Variants in NKAIN3 observed in about 807,000 individuals in gnomAD.
NKAIN3 encodes sodium/potassium transporting ATPase interacting 3.
NKAIN3 carries 25 observed loss-of-function variants against 30.2 expected under a neutral mutation model. The observed-to-expected ratio is 0.83, with a 90% CI of 0.60 to 1.16. The LOEUF (loss-of-function observed/expected upper bound fraction) is 1.16, where lower values mean the gene tolerates loss of function less well. Ranked by LOEUF, NKAIN3 falls within the 50% of genes most tolerant of loss-of-function variation. NKAIN3 has a pLI of 0.00. For synonymous variants in NKAIN3, 91 were observed against 89.6 expected (o/e 1.02, Z -0.09); for missense variants, 225 against 254.1 (o/e 0.89, Z 0.78).
chr8:62,666,591 T>C (rs900311663), intron 3 of NKAIN3, among the ~76,000 whole-genome samples: 5 of 152,142 alleles, frequency 3.3e-5, no homozygotes, highest in African/African-American at 1.2e-4. Context: ...CTAAATAATT[T>C]CTCATTTTAA....
rs1234642794 is a variant in NKAIN3 at position 62,972,427 on chromosome 8, G to GTTGATACA, written c.*7022_*7029dup. Among the ~76,000 whole-genome samples the GTTGATACA allele has an allele frequency of 1.1e-4, 17 of 152,216 alleles. No homozygotes were observed. Among genetic ancestry groups the GTTGATACA allele is most frequent in the African/African-American group, 3.9e-4 (16 of 41,544 alleles). On this transcript the variant is annotated 3_prime_UTR_variant, in exon 7 of 7. Transcript: ENST00000623646. ...TATTTTTAACCACCAGATTGAGTAT[G>GTTGATACA]TTGATACATCAAATGCCAGTCTTTT...
At chr8:62,465,583 C>T (rs191936566) in intron 1 of NKAIN3, among the ~76,000 whole-genome samples, 217 of 152,308 alleles carry the variant, frequency 1.4e-3, no homozygotes, top group African/African-American at 4.8e-3. Context: ...ATTCAGTAAA[C>T]CATCCAATGT....
intron 1 of NKAIN3, among the ~76,000 whole-genome samples, chr8:62,476,690 C>T (rs900769023): frequency 1.3e-5 from 2 of 152,188 alleles, no homozygotes; most frequent in Non-Finnish European, 2.9e-5. Flanking sequence ...GTCCTGACCT[C>T]GTGATCCTCC....
At chr8:62,514,803 G>A (rs1276627199) in intron 1 of NKAIN3, among the ~76,000 whole-genome samples, 3 of 151,982 alleles carry the variant, frequency 2.0e-5, no homozygotes, top group Non-Finnish European at 4.4e-5. Flanking sequence ...CTGTTCCACC[G>A]ATCTCTCTTT....
chr8:62,419,320 C>A (rs189618567), intron 1 of NKAIN3, among the ~76,000 whole-genome samples: 358 of 152,246 alleles, frequency 2.4e-3, no homozygotes, highest in African/African-American at 7.8e-3. Flanking sequence ...TAAATTATGT[C>A]TTTTCCAGTG....
At chr8:62,498,568 G>A (rs1358576740) in intron 1 of NKAIN3, among the ~76,000 whole-genome samples, 1 of 151,950 alleles carries the variant, frequency 6.6e-6, no homozygotes, top group Non-Finnish European at 1.5e-5. Context: ...AAAGCAAATT[G>A]CTTTGCCAAG....
At chr8:62,368,298 C>T (rs1816800482) in intron 1 of NKAIN3, among the ~76,000 whole-genome samples, 1 of 152,098 alleles carries the variant, frequency 6.6e-6, no homozygotes, top group Admixed American at 6.6e-5. Flanking sequence ...TACTTGATCT[C>T]AAAATCTATT....
chr8:62,513,284 A>G (rs1464199319), intron 1 of NKAIN3, among the ~76,000 whole-genome samples: 1 of 151,412 alleles, frequency 6.6e-6, no homozygotes, highest in Non-Finnish European at 1.5e-5. Context: ...TTTGACTGCA[A>G]CTAGATGGAC....
chr8:62,804,892 C>T (rs925398761), intron 4 of NKAIN3, among the ~76,000 whole-genome samples: 1 of 152,116 alleles, frequency 6.6e-6, no homozygotes, highest in Admixed American at 6.6e-5. Flanking sequence ...GATTGTATAT[C>T]CAGAAAACCC....
intron 1 of NKAIN3, among the ~76,000 whole-genome samples, chr8:62,577,893 T>A (rs1289287421): frequency 6.6e-6 from 1 of 152,008 alleles, no homozygotes; most frequent in Non-Finnish European, 1.5e-5. Flanking sequence ...TCTCTTCTCT[T>A]TTCCGCCACC....
At chr8:62,920,648 C>T (rs888838297) in intron 5 of NKAIN3, among the ~76,000 whole-genome samples, 1 of 152,042 alleles carries the variant, frequency 6.6e-6, no homozygotes, top group African/African-American at 2.4e-5. Context: ...ATTTCAGTGC[C>T]CTTCAAACTG....
intron 1 of NKAIN3, among the ~76,000 whole-genome samples, chr8:62,399,801 G>A (rs965328363): frequency 1.3e-5 from 2 of 152,126 alleles, no homozygotes; most frequent in African/African-American, 4.8e-5. Flanking sequence ...GGATGCAAGA[G>A]CAGTGAGGAA....
Position 62,371,299 on chromosome 8 carries a change from A to G in NKAIN3, c.54+122172A>G, listed in dbSNP as rs186893504. On this transcript the variant is annotated intron_variant, in intron 1 of 6. Coordinates refer to ENST00000623646, the MANE Select transcript of NKAIN3 (RefSeq NM_001304533.3). Reference sequence around the variant, plus strand: ...CTTAATTCTTTCAAGAACCATCTACATAGATTATGTTTAGGTGTTTTTGGA... The same window carrying G: ...CTTAATTCTTTCAAGAACCATCTACGTAGATTATGTTTAGGTGTTTTTGGA... Among the ~76,000 whole-genome samples the G allele has an allele frequency of 1.2e-3, 181 of 151,898 alleles. 1 individual carries two copies. Among genetic ancestry groups the G allele is most frequent in the Admixed American group, 0.011 (166 of 15,254 alleles).
intron 1 of NKAIN3, among the ~76,000 whole-genome samples, chr8:62,331,776 T>G (rs1426775389): frequency 1.3e-5 from 2 of 152,168 alleles, no homozygotes; most frequent in African/African-American, 4.8e-5. Context: ...GACCAATAGG[T>G]TATTACGTAT....
At chr8:62,753,937 T>A (rs1453713986) in intron 4 of NKAIN3, among the ~76,000 whole-genome samples, 1 of 152,118 alleles carries the variant, frequency 6.6e-6, no homozygotes, top group African/African-American at 2.4e-5. Context: ...CTATGTTAAT[T>A]TTAAGACCAT....
At chr8:62,599,574 G>A (rs1037876616) in intron 3 of NKAIN3, among the ~76,000 whole-genome samples, 10 of 151,904 alleles carry the variant, frequency 6.6e-5, no homozygotes, top group Admixed American at 6.6e-4. Flanking sequence ...GAAATTAACA[G>A]ACATCACAAT....
chr8:62,822,240 C>G (rs1818870002), intron 4 of NKAIN3, among the ~76,000 whole-genome samples: 1 of 152,076 alleles, frequency 6.6e-6, no homozygotes, highest in African/African-American at 2.4e-5. Flanking sequence ...TTTCCTCTCA[C>G]TGGAATGGAA....
chr8:62,930,865 G>A (rs956109622), intron 5 of NKAIN3, among the ~76,000 whole-genome samples: 2 of 151,598 alleles, frequency 1.3e-5, no homozygotes, highest in African/African-American at 4.8e-5. Flanking sequence ...CACCATGCCT[G>A]GCTAATTTTG....
chr8:62,867,605 C>T (rs2130796230), intron 4 of NKAIN3, among the ~76,000 whole-genome samples: 1 of 152,322 alleles, frequency 6.6e-6, no homozygotes, highest in African/African-American at 2.4e-5. Flanking sequence ...CATGACTGCT[C>T]TCTTCTCAGC....
Sources: gnomAD v4.1 joint callset for allele counts (sites outside exome capture counted in the v4.1 genomes callset) on GRCh38, gnomAD v4.1.1 for gene constraint, MANE v1.5 for transcripts, NCBI Gene and HGNC (gene_info 2026-07-23, HGNC 2026-07-21) for gene names.